SH3D19: variants seen among roughly 807,000 people sequenced by gnomAD.
SH3D19 encodes the protein SH3 domain containing 19.
In SH3D19, 58 loss-of-function variants were observed where a neutral mutation model predicts 112.1. The observed-to-expected ratio is 0.52, with a 90% CI of 0.42 to 0.64. The LOEUF (loss-of-function observed/expected upper bound fraction) is 0.64. Ranked by LOEUF, SH3D19 falls within the 30% of genes least tolerant of loss-of-function variation. The pLI is 0.00. For synonymous variants in SH3D19, 391 were observed against 448.5 expected (o/e 0.87, Z 1.62); for missense variants, 1,090 against 1,263.4 (o/e 0.86, Z 2.08).
chr4:151,146,633 A>T (rs1244280831), intron 11 of SH3D19, among the ~76,000 whole-genome samples: 1 of 152,200 alleles, frequency 6.6e-6, no homozygotes, highest in Non-Finnish European at 1.5e-5. Context: ...CCCGGGTTCA[A>T]GCAATTCTCC....
chr4:151,302,260 T>G (rs1465740920), intron 1 of SH3D19, among the ~76,000 whole-genome samples: 1 of 152,242 alleles, frequency 6.6e-6, no homozygotes, highest in Non-Finnish European at 1.5e-5. Context: ...CAGGTGAGGC[T>G]GAGCTACATC....
intron 1 of SH3D19, among the ~76,000 whole-genome samples, chr4:151,304,644 A>T (rs1561447493): frequency 6.6e-6 from 1 of 152,344 alleles, no homozygotes; most frequent in East Asian, 1.9e-4. Context: ...CAAGGATAAC[A>T]GTTGGGGCAA....
Position 151,179,606 on chromosome 4 carries a change from A to G in SH3D19, c.194-209T>C, listed in dbSNP as rs188383198. Reference sequence around the variant, plus strand: ...TTATATATTAGAGATTGCATAATACATAGATTTCAAAAACTCCCCAAAGAA... The same window carrying G: ...TTATATATTAGAGATTGCATAATACGTAGATTTCAAAAACTCCCCAAAGAA... On this transcript the variant is annotated intron_variant, in intron 3 of 19. Transcript: ENST00000604030. Among the ~76,000 whole-genome samples the G allele has an allele frequency of 2.1e-3, 325 of 152,326 alleles. 2 individuals are homozygous for G. The highest frequency in any genetic ancestry group is 6.6e-3 in the African/African-American group (273 of 41,590).
chr4:151,277,266 T>G (rs762226118), intron 1 of SH3D19: 2 of 1,437,222 alleles, frequency 1.4e-6, no homozygotes, highest in African/African-American at 2.9e-5. Flanking sequence ...GGCAGAGGAT[T>G]TTTACTAAAG....
chr4:151,289,632 C>G (rs181495031), intron 1 of SH3D19, among the ~76,000 whole-genome samples: 2 of 152,126 alleles, frequency 1.3e-5, no homozygotes. Flanking sequence ...GAAATTGGAG[C>G]CTTCTAACAC....
chr4:151,236,629 T>G (rs1312840630), intron 1 of SH3D19, among the ~76,000 whole-genome samples: 3 of 152,032 alleles, frequency 2.0e-5, no homozygotes, highest in Non-Finnish European at 4.4e-5. Flanking sequence ...TGGTGGGGAC[T>G]TGGAGAACTT....
At chr4:151,256,727 G>A (rs1771954873) in intron 1 of SH3D19, among the ~76,000 whole-genome samples, 1 of 130,628 alleles carries the variant, frequency 7.7e-6, no homozygotes, top group Non-Finnish European at 1.6e-5. Context: ...CCTCTAGAAA[G>A]CTTCAAGTTA....
intron 2 of SH3D19, among the ~76,000 whole-genome samples, chr4:151,190,037 G>C (rs778593497): frequency 6.6e-6 from 1 of 152,158 alleles, no homozygotes; most frequent in Non-Finnish European, 1.5e-5. Flanking sequence ...TGGAGATGAG[G>C]AACTTGTTGG....
At chr4:151,192,043 C>T (rs764670861) in intron 2 of SH3D19, among the ~76,000 whole-genome samples, 1 of 149,590 alleles carries the variant, frequency 6.7e-6, no homozygotes, top group Non-Finnish European at 1.5e-5. Context: ...CTCCTGGGTT[C>T]ACGCCATTCT....
chr4:151,198,967 C>CTCTAA (rs1183306235), intron 2 of SH3D19, among the ~76,000 whole-genome samples: 2 of 150,260 alleles, frequency 1.3e-5, no homozygotes, highest in African/African-American at 4.9e-5. Flanking sequence ...AAATATTCAA[C>CTCTAA]AATTTCTCCA....
chr4:151,193,069 G>A (rs1402528142), intron 2 of SH3D19, among the ~76,000 whole-genome samples: 1 of 151,648 alleles, frequency 6.6e-6, no homozygotes, highest in African/African-American at 2.4e-5. Context: ...CTGGACTAAT[G>A]TGAACTCAAT....
At chr4:151,280,054 T>TGTCAGACTATCAAACCCGAAACAACTAG (rs1774048451) in intron 1 of SH3D19, 8 of 873,776 alleles carry the variant, frequency 9.2e-6, no homozygotes, top group African/African-American at 1.6e-5. Context: ...AGTGGTAAAA[T>TGTCAGACTATCAAACCCGAAACAACTAG]AGGCAGGGCG....
chr4:151,309,426 TAAA>T (rs1446106037), intron 1 of SH3D19, among the ~76,000 whole-genome samples: 1 of 151,598 alleles, frequency 6.6e-6, no homozygotes, highest in Non-Finnish European at 1.5e-5. Context: ...AAGGAAAAAA[TAAA>T]AGGAAACCCA....
intron 1 of SH3D19, among the ~76,000 whole-genome samples, chr4:151,267,588 A>G (rs1284968345): frequency 2.0e-5 from 3 of 152,218 alleles, no homozygotes; most frequent in Non-Finnish European, 2.9e-5. Flanking sequence ...CCTTCTAACA[A>G]CACGTAGTAT....
intron 1 of SH3D19, among the ~76,000 whole-genome samples, chr4:151,293,849 A>G (rs1354035414): frequency 6.6e-6 from 1 of 152,158 alleles, no homozygotes; most frequent in East Asian, 1.9e-4. Flanking sequence ...CTCTATGCTT[A>G]AACTTCTTCA....
intron 3 of SH3D19, among the ~76,000 whole-genome samples, chr4:151,179,794 T>C (rs1225538042): frequency 6.6e-6 from 1 of 152,242 alleles, no homozygotes; most frequent in Non-Finnish European, 1.5e-5. Context: ...GCTTTTGTGA[T>C]GTTTGTTTAT....
At chr4:151,272,080 C>A (rs978883982) in intron 1 of SH3D19, among the ~76,000 whole-genome samples, 1 of 152,082 alleles carries the variant, frequency 6.6e-6, no homozygotes, top group Admixed American at 6.5e-5. Flanking sequence ...TTTGGCACTT[C>A]CTTATAAGAG....
chr4:151,225,771 C>T (rs1768890613), intron 2 of SH3D19, among the ~76,000 whole-genome samples: 1 of 152,034 alleles, frequency 6.6e-6, no homozygotes, highest in South Asian at 2.1e-4. Flanking sequence ...GAAAATAAGT[C>T]ACAAAAACTA....
intron 8 of SH3D19, among the ~76,000 whole-genome samples, chr4:151,160,850 G>A (rs1221538855): frequency 6.6e-6 from 1 of 152,226 alleles, no homozygotes; most frequent in Non-Finnish European, 1.5e-5. Context: ...TTAGAGCGAG[G>A]CAAACATTCT....
Sources: gnomAD v4.1 joint callset for allele counts (sites outside exome capture counted in the v4.1 genomes callset) on GRCh38, gnomAD v4.1.1 for gene constraint, MANE v1.5 for transcripts, NCBI Gene and HGNC (gene_info 2026-07-23, HGNC 2026-07-21) for gene names.